The following SECISBP2L variants were observed in gnomAD, a reference collection of about 807,000 sequenced individuals.
The protein encoded by SECISBP2L is selenocysteine insertion sequence-binding protein 2-like.
Under a neutral mutation model 114.7 loss-of-function variants are expected in SECISBP2L, and 43 were observed. The ratio of observed to expected loss-of-function variants is 0.38; its 90% confidence interval spans 0.29 to 0.48. The LOEUF (loss-of-function observed/expected upper bound fraction) is 0.48. Among genes scored for constraint, SECISBP2L ranks in the 20% least tolerant of loss-of-function variants. The pLI, the probability that SECISBP2L is intolerant of heterozygous loss-of-function variation, is 0.98. For synonymous variants in SECISBP2L, 451 were observed against 439.7 expected, an observed-to-expected ratio of 1.03 and a Z score of -0.32; for missense variants, 1,136 against 1,301.1, an observed-to-expected ratio of 0.87 and a Z score of 1.95.
At chr15:49,041,975 G>A (rs1903142033) in intron 1 of SECISBP2L, among the ~76,000 whole-genome samples, 1 of 152,054 alleles carries the variant, frequency 6.6e-6, no homozygotes, top group South Asian at 2.1e-4. Flanking sequence ...ACAATAATGA[G>A]GAAGACAAAT....
At position 49,000,920 on chromosome 15, in the gene SECISBP2L, C is replaced by G. The variant is rs1018039869; in HGVS notation, c.2205G>C (p.Lys735Asn). The stretch of plus-strand genomic sequence containing the variant: ...CACAGTTTGGAGAAATTATAACACA[C>G]TTGATCTTGTTTAACTTCATATGTT... ...VTKHMKLNKI[K>N]CVIISPNCEK... The change falls in exon 15 of 18, where the codon AAG becomes AAC. Residue 735 changes from lysine to asparagine, a missense_variant. This residue lies in a region of SECISBP2L where 684 missense variants were observed against 848.7 expected (regional missense o/e 0.81). Coordinates refer to ENST00000559471, the MANE Select transcript of SECISBP2L (RefSeq NM_001193489.2). 4 of 1,613,466 alleles carry G rather than the reference C, an allele frequency of 2.5e-6. No individual in the cohort carries two copies. The highest frequency in any genetic ancestry group is 3.4e-6 in the Non-Finnish European group (4 of 1,179,806).
chr15:49,045,287 T>G (rs898419871), intron 1 of SECISBP2L, among the ~76,000 whole-genome samples: 1 of 152,196 alleles, frequency 6.6e-6, no homozygotes, highest in Non-Finnish European at 1.5e-5. Flanking sequence ...CAACTACATA[T>G]AGACACATAC....
chr15:49,000,970 C>A lies in SECISBP2L; in HGVS notation c.2155G>T (p.Val719Phe). Residue 719 changes from valine to phenylalanine, a missense_variant, in exon 15 of 18, where the codon GTT becomes TTT. Val to Phe is a conservative substitution (Grantham distance 50). Around this residue, in one of 2 missense-constraint regions of SECISBP2L, gnomAD observed 684 missense variants for 848.7 expected, o/e 0.81. Transcript: ENST00000559471. ...PVRAKARRRL[V>F]MGLREVTKHM... Reference sequence around the variant, plus strand: ...TTGGTAACTTCTCTTAGACCCATAACGAGTCGTCTCCTTGCTTTTGCTCTT... The same window carrying A: ...TTGGTAACTTCTCTTAGACCCATAAAGAGTCGTCTCCTTGCTTTTGCTCTT... 1 of 1,613,838 alleles carries A rather than the reference C, an allele frequency of 6.2e-7. No homozygotes were observed. Among genetic ancestry groups the A allele is most frequent in the Non-Finnish European group, 8.5e-7 (1 of 1,179,878 alleles).
chr15:49,031,232 A>C (rs1261017668), intron 4 of SECISBP2L, among the ~76,000 whole-genome samples: 2 of 151,614 alleles, frequency 1.3e-5, no homozygotes, highest in Non-Finnish European at 2.9e-5. Flanking sequence ...ATTTTTTAGT[A>C]GAGATGGGGT....
At position 49,034,664 on chromosome 15, in the gene SECISBP2L, C is replaced by CTTTTTTT. The variant is rs745310543; in HGVS notation, c.528+669_528+670insAAAAAAA. 2.8e-3 allele frequency among the ~76,000 whole-genome samples: 179 copies of CTTTTTTT among 63,150 alleles called. 1 individual carries two copies. The highest frequency in any genetic ancestry group is 0.016 in the East Asian group (52 of 3,270). 41.4% of individuals were successfully genotyped at this position (63,150 alleles called of 152,430 possible). On this transcript the variant is annotated intron_variant, in intron 3 of 17. Transcript: ENST00000559471. Reference sequence around the variant, plus strand: ...TAACTTTTGAAGATTGAAAGTATATCTTTTGTTTTTTTTTTTTTGAGACAG... The same window carrying CTTTTTTT: ...TAACTTTTGAAGATTGAAAGTATATCTTTTTTTTTTTGTTTTTTTTTTTTTGAGACAG...
chr15:49,025,767 C>T (rs186264021), intron 7 of SECISBP2L, among the ~76,000 whole-genome samples: 4 of 152,040 alleles, frequency 2.6e-5, no homozygotes, highest in Non-Finnish European at 5.9e-5. Flanking sequence ...AAAGGAAACT[C>T]GTATACACAT....
chr15:49,009,194 C>T (rs202180278), intron 14 of SECISBP2L, 22 bp downstream of exon 14: 127 of 1,611,260 alleles, frequency 7.9e-5, no homozygotes, highest in Non-Finnish European at 1.0e-4. Flanking sequence ...TATTCAACCT[C>T]AATAATGAGT....
chr15:49,007,564 T>C (rs1300065438), intron 14 of SECISBP2L, among the ~76,000 whole-genome samples: 2 of 152,208 alleles, frequency 1.3e-5, no homozygotes, highest in Non-Finnish European at 2.9e-5. Flanking sequence ...ATAGATTTTA[T>C]GTAAAGGATA....
At chr15:48,993,100 A>AGAGAGAGTGTGT (rs772299775) in intron 17 of SECISBP2L, among the ~76,000 whole-genome samples, 174 bp from the exon 18 acceptor site, 1,549 of 139,194 alleles carry the variant, frequency 0.011, 23 homozygotes, top group African/African-American at 0.035. Flanking sequence ...ACAGAGAGAG[A>AGAGAGAGTGTGT]GTGTGTGTGT....
chr15:49,015,369 AG>A (rs1902515546), intron 11 of SECISBP2L, among the ~76,000 whole-genome samples: 2 of 152,208 alleles, frequency 1.3e-5, no homozygotes, highest in African/African-American at 4.8e-5. Flanking sequence ...TTGTAATAAT[AG>A]TTATTACAAA....
At position 49,027,417 on chromosome 15, in the gene SECISBP2L, T is replaced by C; in HGVS notation, c.983A>G (p.Asn328Ser). Reference sequence around the variant, plus strand: ...CCTTCCACCTCTAGAAAATGTCTGATTTTTTTCCATCCAAGGTTTTTTCTG... The same window carrying C: ...CCTTCCACCTCTAGAAAATGTCTGACTTTTTTCCATCCAAGGTTTTTTCTG... ...ATQKKPWMEK[N>S]QTFSRGGRQT... Residue 328 changes from asparagine (N) to serine (S), a missense_variant, in exon 7 of 18, where the codon AAT (asparagine) becomes AGT (serine). By Grantham distance (46) the Asn-to-Ser change is conservative. Coordinates refer to ENST00000559471, the MANE Select transcript of SECISBP2L (RefSeq NM_001193489.2). The C allele has an allele frequency of 1.2e-6, 2 of 1,610,320 alleles. No individual in the cohort carries two copies. Among genetic ancestry groups the C allele is most frequent in the Non-Finnish European group, 1.7e-6 (2 of 1,177,582 alleles).
At chr15:49,027,306 CA>C in intron 7 of SECISBP2L, 58 bp downstream of exon 7, 1 of 1,265,772 alleles carries the variant, frequency 7.9e-7, no homozygotes, top group South Asian at 1.3e-5. Context: ...CTGTAACTAA[CA>C]AATCTAAAAT....
chr15:49,042,963 G>A (rs1195941509), intron 1 of SECISBP2L, among the ~76,000 whole-genome samples: 1 of 152,174 alleles, frequency 6.6e-6, no homozygotes, highest in Non-Finnish European at 1.5e-5. Flanking sequence ...GGAAGGCGAG[G>A]TTGTAGTGAG....
intron 14 of SECISBP2L, among the ~76,000 whole-genome samples, chr15:49,006,067 A>C (rs1473243285): frequency 6.6e-6 from 1 of 152,128 alleles, no homozygotes; most frequent in Non-Finnish European, 1.5e-5. Flanking sequence ...AAGAACGTTG[A>C]ATATTGGCCC....
At chr15:49,002,919 T>C (rs1327904014) in intron 14 of SECISBP2L, among the ~76,000 whole-genome samples, 1 of 152,182 alleles carries the variant, frequency 6.6e-6, no homozygotes, top group East Asian at 1.9e-4. Context: ...CTTAGGATTG[T>C]CTTGGCTATA....
At chr15:49,036,002 A>G (rs1033448404) in intron 2 of SECISBP2L, among the ~76,000 whole-genome samples, 2 of 152,238 alleles carry the variant, frequency 1.3e-5, no homozygotes, top group African/African-American at 4.8e-5. Flanking sequence ...ATGGCAGTCC[A>G]AAGTTCCCAT....
At chr15:49,028,347 C>G in intron 5 of SECISBP2L, 106 bp downstream of exon 5, 1 of 1,109,792 alleles carries the variant, frequency 9.0e-7, no homozygotes, top group Non-Finnish European at 1.3e-6. Flanking sequence ...TATCCTATTA[C>G]TACAGGAATT....
intron 1 of SECISBP2L, 49 bp downstream of exon 1, chr15:49,046,227 G>A (rs1379680076): frequency 6.4e-7 from 1 of 1,564,354 alleles, no homozygotes; most frequent in African/African-American, 1.4e-5. Flanking sequence ...CTGTGAGGAA[G>A]CGGCGACCCC....
chr15:49,002,146 T>C (rs1284906841), intron 14 of SECISBP2L, among the ~76,000 whole-genome samples: 1 of 152,208 alleles, frequency 6.6e-6, no homozygotes, highest in Non-Finnish European at 1.5e-5. Context: ...TAATGATTGC[T>C]ATTCTAACTG....
Sources: gnomAD v4.1 joint callset for allele counts (sites outside exome capture counted in the v4.1 genomes callset) on GRCh38, gnomAD v4.1.1 for gene constraint, gnomAD v4.1.1 regional missense constraint, MANE v1.5 for transcripts, NCBI Gene and HGNC (gene_info 2026-07-23, HGNC 2026-07-21) for gene names.